ANO3: variants seen among roughly 807,000 people sequenced by gnomAD.
The protein encoded by ANO3 is anoctamin 3, also known as anoctamin-3.
Under a neutral mutation model 144.8 loss-of-function variants are expected in ANO3, and 99 were observed. That is an observed-to-expected ratio of 0.68 (90% CI 0.58 to 0.81). The LOEUF (loss-of-function observed/expected upper bound fraction) is 0.81, where lower values mean the gene tolerates loss of function less well. Ranked by LOEUF, ANO3 falls within the 30% of genes least tolerant of loss-of-function variation. The pLI is 0.00. For synonymous variants in ANO3, 414 were observed against 392.6 expected (o/e 1.05, Z -0.64); for missense variants, 905 against 1,202.2 (o/e 0.75, Z 3.66).
intron 4 of ANO3, among the ~76,000 whole-genome samples, chr11:26,465,253 A>G (rs116333807): frequency 0.01 from 1,490 of 148,180 alleles, 29 homozygotes; most frequent in African/African-American, 0.035. Flanking sequence ...GAAACTTCCT[A>G]TGGTTCAAAT....
chr11:26,455,515 G>T (rs999437256), intron 3 of ANO3, among the ~76,000 whole-genome samples: 34 of 152,226 alleles, frequency 2.2e-4, no homozygotes, highest in African/African-American at 7.9e-4. Flanking sequence ...CACCTTACAA[G>T]GGACGTGAAG....
rs141158402 is a variant in ANO3 at position 26,265,949 on chromosome 11, C to T, written c.155-43696C>T. ...CCTTTAATTCCAACTTAGTAGCCTA[C>T]TTCACAAGCTACACAATGAAGGGGA... On this transcript the variant is annotated intron_variant, in intron 1 of 27. Coordinates refer to the ANO3 transcript ENST00000672621. 1.9e-4 allele frequency among the ~76,000 whole-genome samples: 29 copies of T among 152,298 alleles called. No individual in the cohort carries two copies. The East Asian group carries it at 5.4e-3, about 28-fold the overall frequency.
chr11:26,407,076 GTA>G (rs374806519), intron 1 of ANO3, among the ~76,000 whole-genome samples: 4,297 of 101,432 alleles, frequency 0.042, 104 homozygotes, highest in East Asian at 0.11. Flanking sequence ...GTGTGTGTGT[GTA>G]TATATATATA....
At chr11:26,479,424 G>A (rs1860117148) in intron 4 of ANO3, among the ~76,000 whole-genome samples, 1 of 152,158 alleles carries the variant, frequency 6.6e-6, no homozygotes, top group African/African-American at 2.4e-5. Flanking sequence ...AAGGAAAGAG[G>A]TTTAATGGAC....
At chr11:26,626,978 A>G (rs1406232610) in intron 18 of ANO3, among the ~76,000 whole-genome samples, 1 of 152,146 alleles carries the variant, frequency 6.6e-6, no homozygotes, top group Non-Finnish European at 1.5e-5. Context: ...TGTCTTAAGT[A>G]GGCAATATAA....
chr11:26,606,970 A>T (rs180948543), intron 17 of ANO3, among the ~76,000 whole-genome samples: 1 of 152,266 alleles, frequency 6.6e-6, no homozygotes, highest in East Asian at 1.9e-4. Context: ...TCTGGTGGTG[A>T]TGAAATTCCT....
At chr11:26,498,209 TTGAC>T (rs1352499687) in intron 4 of ANO3, among the ~76,000 whole-genome samples, 2 of 152,020 alleles carry the variant, frequency 1.3e-5, no homozygotes, top group African/African-American at 2.4e-5. Flanking sequence ...ACAACTGTAA[TTGAC>T]TGAAGAGAAT....
At chr11:26,530,094 G>A (rs1054376424) in intron 7 of ANO3, among the ~76,000 whole-genome samples, 20 of 152,210 alleles carry the variant, frequency 1.3e-4, no homozygotes, top group Non-Finnish European at 2.4e-4. Context: ...TCCTATGCCC[G>A]TGAGAATCTT....
chr11:26,349,823 C>CA (rs1203635036), intron 1 of ANO3, among the ~76,000 whole-genome samples: 1 of 152,146 alleles, frequency 6.6e-6, no homozygotes, highest in Non-Finnish European at 1.5e-5. Flanking sequence ...GCTGGGATTA[C>CA]AGGCGTGAGC....
chr11:26,420,089 A>G (rs1216704791), intron 1 of ANO3, among the ~76,000 whole-genome samples: 1 of 151,998 alleles, frequency 6.6e-6, no homozygotes, highest in Non-Finnish European at 1.5e-5. Flanking sequence ...ACCTTGATAT[A>G]TTGTAATCGA....
chr11:26,343,859 A>C (rs1280065574), intron 1 of ANO3, among the ~76,000 whole-genome samples: 1 of 152,240 alleles, frequency 6.6e-6, no homozygotes, highest in African/African-American at 2.4e-5. Context: ...TAAAACAATA[A>C]GATGTTTACA....
chr11:26,502,424 G>T (rs1194743433), intron 4 of ANO3, among the ~76,000 whole-genome samples: 1 of 152,100 alleles, frequency 6.6e-6, no homozygotes, highest in African/African-American at 2.4e-5. Context: ...CAGTAAATTA[G>T]ATTCCAAGTA....
At chr11:26,294,882 CT>C (rs34020575) in intron 1 of ANO3, among the ~76,000 whole-genome samples, 1 of 151,144 alleles carries the variant, frequency 6.6e-6, no homozygotes, top group Non-Finnish European at 1.5e-5. Context: ...TTTTTTTCTT[CT>C]TTTTTTAAAT....
intron 1 of ANO3, among the ~76,000 whole-genome samples, chr11:26,357,824 A>T (rs1855822356): frequency 6.6e-6 from 1 of 152,108 alleles, no homozygotes; most frequent in Admixed American, 6.6e-5. Flanking sequence ...TTATGTAGGT[A>T]TTGCATTCAT....
chr11:26,470,248 G>A (rs377355286), intron 4 of ANO3, among the ~76,000 whole-genome samples: 318 of 151,624 alleles, frequency 2.1e-3, no homozygotes, highest in African/African-American at 7.3e-3. Context: ...TGTTTCTACA[G>A]AAAAAATACA....
At chr11:26,594,354 G>A (rs750961165) in intron 14 of ANO3, among the ~76,000 whole-genome samples, 2 of 152,068 alleles carry the variant, frequency 1.3e-5, no homozygotes, top group Admixed American at 6.6e-5. Context: ...CCAAACTCTC[G>A]GGCTGCAGCT....
Position 26,525,680 on chromosome 11 carries a change from G to A in ANO3, c.737+1G>A, listed in dbSNP as rs1007188185. ...ACGGGAGGAGCAAATCAATGGGCAG[G>A]TTGGTGGGTGATGAATCATTTCTTT... On this transcript the variant is annotated splice_donor_variant, in intron 7 of 26. Coordinates refer to ENST00000256737, the MANE Select transcript of ANO3 (RefSeq NM_031418.4). LOFTEE classifies it high-confidence loss of function. The A allele has an allele frequency of 1.9e-6, 3 of 1,607,522 alleles. No individual in the cohort carries two copies. The highest frequency in any genetic ancestry group is 2.5e-6 in the Non-Finnish European group (3 of 1,177,046).
chr11:26,625,930 A>G (rs953970450), intron 18 of ANO3, among the ~76,000 whole-genome samples: 5 of 152,282 alleles, frequency 3.3e-5, no homozygotes, highest in Admixed American at 1.3e-4. Context: ...AAAACTTTGT[A>G]GATCTGAAAA....
chr11:26,567,615 C>A (rs1412458367), intron 14 of ANO3, among the ~76,000 whole-genome samples: 1 of 151,948 alleles, frequency 6.6e-6, no homozygotes, highest in Non-Finnish European at 1.5e-5. Flanking sequence ...AAGCTTTTAG[C>A]AAGCAATTGC....
Sources: allele counts gnomAD v4.1 joint callset (sites outside exome capture counted in the v4.1 genomes callset), GRCh38; gene constraint gnomAD v4.1.1; transcripts MANE v1.5; gene names NCBI Gene and HGNC (gene_info 2026-07-23, HGNC 2026-07-21).